ARHGEF28: variants seen among roughly 807,000 people sequenced by gnomAD.
The protein encoded by ARHGEF28 is Rho guanine nucleotide exchange factor 28.
In ARHGEF28, 152 loss-of-function variants were observed where a neutral mutation model predicts 206.6. The ratio of observed to expected loss-of-function variants is 0.74; its 90% confidence interval spans 0.64 to 0.84. The LOEUF (loss-of-function observed/expected upper bound fraction) is 0.84, where lower values mean the gene tolerates loss of function less well. Ranked by LOEUF, ARHGEF28 falls within the 40% of genes least tolerant of loss-of-function variation. The pLI is 0.00. For missense variants in ARHGEF28, 2,028 were observed against 2,073.2 expected, an observed-to-expected ratio of 0.98 and a Z score of 0.42; for synonymous variants, 763 against 776.4, an observed-to-expected ratio of 0.98 and a Z score of 0.29.
chr5:73,698,218 G>A (rs868738582), intron 2 of ARHGEF28, among the ~76,000 whole-genome samples: 2 of 152,076 alleles, frequency 1.3e-5, no homozygotes, highest in African/African-American at 4.8e-5. Flanking sequence ...GAGTGTGTCC[G>A]AGGGGAAATT....
At chr5:73,686,724 G>A (rs868102867) in intron 2 of ARHGEF28, among the ~76,000 whole-genome samples, 7 of 151,562 alleles carry the variant, frequency 4.6e-5, no homozygotes, top group Non-Finnish European at 7.4e-5. Context: ...GGGTTTCACC[G>A]TGTTAGCCAG....
intron 33 of ARHGEF28, among the ~76,000 whole-genome samples, chr5:73,907,810 G>A (rs956200002): frequency 2.0e-5 from 3 of 152,062 alleles, no homozygotes; most frequent in South Asian, 4.1e-4. Context: ...TCTATGCAAG[G>A]GAAAAGAATG....
chr5:73,733,393 T>A (rs74422646), intron 2 of ARHGEF28, among the ~76,000 whole-genome samples: 11,160 of 152,248 alleles, frequency 0.073, 520 homozygotes, highest in African/African-American at 0.12. Context: ...TTAAGCCAGT[T>A]GTTTAAAGCT....
chr5:73,904,790 G>A (rs73103891), intron 33 of ARHGEF28: 2,195 of 205,738 alleles, frequency 0.011, 52 homozygotes, highest in African/African-American at 0.046. Context: ...GAGCAGTTAA[G>A]TAATCCATAT....
intron 2 of ARHGEF28, among the ~76,000 whole-genome samples, chr5:73,697,728 C>T (rs1033892572): frequency 1.3e-5 from 2 of 152,168 alleles, no homozygotes; most frequent in Non-Finnish European, 2.9e-5. Flanking sequence ...TAAATTTCAA[C>T]ATGAGTTTCT....
At chr5:73,685,724 G>A (rs1318615181) in intron 2 of ARHGEF28, among the ~76,000 whole-genome samples, 2 of 152,150 alleles carry the variant, frequency 1.3e-5, no homozygotes, top group Non-Finnish European at 2.9e-5. Context: ...CCAGGTTCAA[G>A]CGATTCCCCT....
chr5:73,906,421 A>G (rs1762558850), intron 33 of ARHGEF28, among the ~76,000 whole-genome samples: 1 of 152,000 alleles, frequency 6.6e-6, no homozygotes, highest in Non-Finnish European at 1.5e-5. Flanking sequence ...CTATTTCACC[A>G]TGTTGCCCAG....
intron 2 of ARHGEF28, among the ~76,000 whole-genome samples, chr5:73,742,826 G>A (rs928171797): frequency 6.5e-5 from 8 of 123,218 alleles, no homozygotes; most frequent in Non-Finnish European, 4.8e-5. Context: ...GCGAGACTCC[G>A]TCTCAAAAAA....
At position 73,795,381 on chromosome 5, in the gene ARHGEF28, C is replaced by T; in HGVS notation, c.1014C>T (p.Ser338=). 1 of 1,613,486 alleles carries T rather than the reference C, an allele frequency of 6.2e-7. No homozygotes were observed. Among genetic ancestry groups the T allele is most frequent in the Non-Finnish European group, 8.5e-7 (1 of 1,179,540 alleles). ...ACAATGAACATGAAGACCAGCACAGCCTAGATTTGGGTATGAAATAACGCT... is the reference window on the plus strand; with the variant it reads ...ACAATGAACATGAAGACCAGCACAGTCTAGATTTGGGTATGAAATAACGCT... The part of the protein sequence containing the change: ...VQHNEHEDQH[S]LDLDRSFDIL... Residue 338 remains serine (S), a synonymous_variant, in exon 9 of 36, where the codon AGC becomes AGT. Coordinates refer to ENST00000513042, the MANE Select transcript of ARHGEF28 (RefSeq NM_001177693.2).
chr5:73,766,948 C>T (rs1016525308), intron 4 of ARHGEF28, among the ~76,000 whole-genome samples: 1 of 152,212 alleles, frequency 6.6e-6, no homozygotes, highest in African/African-American at 2.4e-5. Context: ...ACAATTCCTA[C>T]ATGTCATGAG....
At chr5:73,626,499 C>T (rs925342195) in intron 1 of ARHGEF28, among the ~76,000 whole-genome samples, 177 bp downstream of exon 1, 10 of 152,042 alleles carry the variant, frequency 6.6e-5, no homozygotes, top group Non-Finnish European at 1.5e-4. Context: ...CTGGGCGCCG[C>T]CTCCCGCTCC....
intron 22 of ARHGEF28, among the ~76,000 whole-genome samples, 154 bp downstream of exon 22, chr5:73,873,400 A>G (rs1052395751): frequency 2.6e-5 from 4 of 152,220 alleles, no homozygotes; most frequent in Non-Finnish European, 4.4e-5. Context: ...TGTAACTCCC[A>G]GTAAGGCAGG....
At chr5:73,826,067 C>T (rs376284022) in intron 9 of ARHGEF28, among the ~76,000 whole-genome samples, 1 of 152,112 alleles carries the variant, frequency 6.6e-6, no homozygotes, top group South Asian at 2.1e-4. Flanking sequence ...GAGGAGGAAC[C>T]TGCTATAGGG....
intron 9 of ARHGEF28, among the ~76,000 whole-genome samples, chr5:73,821,239 C>T (rs1484920092): frequency 6.6e-6 from 1 of 152,096 alleles, no homozygotes; most frequent in Non-Finnish European, 1.5e-5. Context: ...TAGTACTTGG[C>T]TTTCATCATT....
intron 9 of ARHGEF28, among the ~76,000 whole-genome samples, chr5:73,816,172 T>C (rs1483850453): frequency 1.3e-5 from 2 of 152,110 alleles, no homozygotes; most frequent in Non-Finnish European, 1.5e-5. Flanking sequence ...CCCTCACAGA[T>C]GCTGTCTCTG....
Position 73,873,076 on chromosome 5 carries a change from G to A in ARHGEF28, c.2644G>A (p.Glu882Lys). 1 of 1,613,588 alleles carries A rather than the reference G, an allele frequency of 6.2e-7. No homozygotes were observed. The highest frequency in any genetic ancestry group is 8.5e-7 in the Non-Finnish European group (1 of 1,179,736). ...GATCTTCAGGAAAGGCATGAAAGAG[G>A]AGCTGCAGCTGGACCACAGCACCGT... Reference protein sequence around the residue: ...SEIFRKGMKEELQLDHSTVDK... With the variant: ...SEIFRKGMKEKLQLDHSTVDK... Residue 882 changes from glutamate (E) to lysine (K), a missense_variant, in exon 22 of 36, where the codon GAG becomes AAG. Glu to Lys is a moderately conservative substitution (Grantham distance 56). Transcript: ENST00000513042.
chr5:73,806,311 GTA>G (rs1297460140), intron 9 of ARHGEF28, among the ~76,000 whole-genome samples: 2 of 121,640 alleles, frequency 1.6e-5, no homozygotes, highest in African/African-American at 3.3e-5. Context: ...AGTATATATA[GTA>G]TATATATACT....
chr5:73,868,669 T>C (rs2931420), intron 20 of ARHGEF28, among the ~76,000 whole-genome samples: 94,546 of 152,034 alleles, frequency 0.62, 29,905 homozygotes, highest in African/African-American at 0.73. Flanking sequence ...TGTTTTGTGA[T>C]GGAGTCTCAC....
intron 1 of ARHGEF28, among the ~76,000 whole-genome samples, chr5:73,657,274 A>G (rs1259971994): frequency 6.6e-6 from 1 of 150,902 alleles, no homozygotes; most frequent in Non-Finnish European, 1.5e-5. Context: ...GCTCTGTGCT[A>G]TATTCTGGGT....
Sources: allele counts gnomAD v4.1 joint callset (sites outside exome capture counted in the v4.1 genomes callset), GRCh38; gene constraint gnomAD v4.1.1; transcripts MANE v1.5; gene names NCBI Gene and HGNC (gene_info 2026-07-23, HGNC 2026-07-21).